MYO3B: variants seen among roughly 807,000 people sequenced by gnomAD.
MYO3B encodes myosin-IIIb.
Under a neutral mutation model 174.6 loss-of-function variants are expected in MYO3B, and 156 were observed. The ratio of observed to expected loss-of-function variants is 0.89; its 90% CI spans 0.78 to 1.02. The LOEUF is 1.02. Ranked by LOEUF, MYO3B falls within the 50% of genes least tolerant of loss-of-function variation. MYO3B has a pLI of 0.00. For missense variants in MYO3B, 1,632 were observed against 1,639.4 expected (o/e 1.00, Z 0.08); for synonymous variants, 563 against 569.1 (o/e 0.99, Z 0.15).
At chr2:170,573,227 G>GTGTATA (rs1446970724) in intron 32 of MYO3B, among the ~76,000 whole-genome samples, 739 of 46,448 alleles carry the variant, frequency 0.016, 5 homozygotes, top group Non-Finnish European at 0.045. Flanking sequence ...TATACTGTGT[G>GTGTATA]TATATATATA....
chr2:170,625,103 G>C (rs1348673159), intron 32 of MYO3B, among the ~76,000 whole-genome samples: 2 of 152,104 alleles, frequency 1.3e-5, no homozygotes, highest in African/African-American at 2.4e-5. Flanking sequence ...GGAGGATTTC[G>C]TCTTTTTCCA....
intron 6 of MYO3B, among the ~76,000 whole-genome samples, chr2:170,220,091 T>C (rs763586656): frequency 1.3e-5 from 2 of 151,226 alleles, no homozygotes; most frequent in Non-Finnish European, 1.5e-5. Context: ...ACCCTGTCTC[T>C]ACTAAAAATA....
chr2:170,382,448 T>G, intron 10 of MYO3B: 1 of 186,796 alleles, frequency 5.4e-6, no homozygotes, highest in Non-Finnish European at 1.1e-5. Context: ...AAGTTGTTTG[T>G]TCTTCATAAG....
At chr2:170,639,267 T>C (rs1697770208) in intron 32 of MYO3B, among the ~76,000 whole-genome samples, 1 of 152,248 alleles carries the variant, frequency 6.6e-6, no homozygotes, top group Admixed American at 6.5e-5. Context: ...CCCAGACTGC[T>C]GCCTGGCATT....
rs988544124 is a variant in MYO3B, at chr2:170,499,531, G to A, written c.3127-115G>A. ...CAGTAATGTGAGCATAAGTCACATC[G>A]CTATAAACTTTATTTATATCATTGT... is the stretch of plus-strand genomic sequence containing the variant. On this transcript the variant is annotated intron_variant, in intron 26 of 34. Coordinates refer to ENST00000408978, the MANE Select transcript of MYO3B (RefSeq NM_138995.5). The A allele has an allele frequency of 2.4e-5, 23 of 970,094 alleles. No homozygotes were observed. In the Admixed American group the frequency reaches 2.6e-4, roughly 11 times the overall value. 60.1% of individuals were successfully genotyped at this position (970,094 alleles called of 1,614,324 possible). A position where few individuals can be genotyped will look rare whatever the true frequency, so the allele number is the denominator to read the frequency against.
chr2:170,384,594 C>T (rs1234217820), intron 12 of MYO3B, among the ~76,000 whole-genome samples: 1 of 152,132 alleles, frequency 6.6e-6, no homozygotes, highest in African/African-American at 2.4e-5. Context: ...TACATGGATT[C>T]ACTGTAGCTT....
intron 32 of MYO3B, among the ~76,000 whole-genome samples, chr2:170,629,769 G>A (rs1039073920): frequency 6.6e-6 from 1 of 152,174 alleles, no homozygotes; most frequent in East Asian, 1.9e-4. Context: ...AGAATCACTT[G>A]AACCTTGGAG....
chr2:170,324,662 A>T (rs1027888406), intron 7 of MYO3B, among the ~76,000 whole-genome samples: 5 of 152,198 alleles, frequency 3.3e-5, no homozygotes, highest in African/African-American at 1.2e-4. Flanking sequence ...TTCAGCGCTG[A>T]ATCTACCCTT....
At chr2:170,300,181 G>A (rs1215160928) in intron 7 of MYO3B, among the ~76,000 whole-genome samples, 3 of 152,102 alleles carry the variant, frequency 2.0e-5, no homozygotes, top group African/African-American at 4.8e-5. Context: ...TTTGAAATTG[G>A]GTCTGACTAT....
At chr2:170,635,310 T>C (rs770098948) in intron 32 of MYO3B, among the ~76,000 whole-genome samples, 8 of 152,188 alleles carry the variant, frequency 5.3e-5, no homozygotes, top group African/African-American at 1.9e-4. Context: ...ATGTCCTTTG[T>C]AGTGACATGG....
chr2:170,433,973 G>A (rs760496612), intron 22 of MYO3B, among the ~76,000 whole-genome samples: 3 of 152,188 alleles, frequency 2.0e-5, no homozygotes, highest in African/African-American at 4.8e-5. Flanking sequence ...ATATTAACGT[G>A]AAAGCTGTAG....
chr2:170,291,545 T>C (rs2093596049), intron 7 of MYO3B, among the ~76,000 whole-genome samples: 1 of 152,198 alleles, frequency 6.6e-6, no homozygotes. Context: ...ATTTTTCTTT[T>C]TGCATGGTAG....
intron 32 of MYO3B, among the ~76,000 whole-genome samples, chr2:170,646,200 G>A (rs1698356801): frequency 6.6e-6 from 1 of 151,802 alleles, no homozygotes; most frequent in Non-Finnish European, 1.5e-5. Context: ...GAACCTGGGA[G>A]GCGGAGGTTG....
intron 9 of MYO3B, among the ~76,000 whole-genome samples, chr2:170,381,663 A>G (rs1471083581): frequency 1.3e-5 from 2 of 152,244 alleles, no homozygotes; most frequent in African/African-American, 4.8e-5. Context: ...TAAGGCACTT[A>G]TGGCTATACC....
chr2:170,242,818 G>T (rs1394723138), intron 7 of MYO3B, among the ~76,000 whole-genome samples: 1 of 152,196 alleles, frequency 6.6e-6, no homozygotes, highest in African/African-American at 2.4e-5. Flanking sequence ...AAATGATGGA[G>T]AGATGGGCAA....
intron 32 of MYO3B, among the ~76,000 whole-genome samples, chr2:170,603,948 G>C (rs1694665822): frequency 6.6e-6 from 1 of 152,124 alleles, no homozygotes. Flanking sequence ...CATATGTTTA[G>C]ATACACAATT....
intron 9 of MYO3B, among the ~76,000 whole-genome samples, chr2:170,378,218 T>C (rs569836244): frequency 7.9e-5 from 12 of 152,306 alleles, no homozygotes; most frequent in African/African-American, 2.9e-4. Flanking sequence ...AAATAATGCT[T>C]TTTCTCTACG....
chr2:170,215,899 A>G (rs1324755257), intron 5 of MYO3B, among the ~76,000 whole-genome samples: 1 of 152,226 alleles, frequency 6.6e-6, no homozygotes, highest in African/African-American at 2.4e-5. Flanking sequence ...ATACTGATGT[A>G]TTCACTCAGC....
Position 170,383,786 on chromosome 2 carries a change from A to C in MYO3B, c.1262A>C (p.Gln421Pro), listed in dbSNP as rs776642498. The change falls in exon 12 of 35, where the codon CAG (glutamine) becomes CCG (proline). Residue 421 changes from glutamine to proline, a missense_variant. Transcript: ENST00000408978. The stretch of plus-strand genomic sequence containing the variant: ...TTTGCATCAGCAGATGCTGCTTACC[A>C]GTGCATGGTTACTCTCAGCAAAGAC... The part of the protein sequence containing the change: ...HIFASADAAY[Q>P]CMVTLSKDQC... The C allele has an allele frequency of 6.2e-7, 1 of 1,613,702 alleles. No individual in the cohort carries two copies. Among genetic ancestry groups the C allele is most frequent in the South Asian group, 1.1e-5 (1 of 91,068 alleles).
Sources: gnomAD v4.1 joint callset for allele counts (sites outside exome capture counted in the v4.1 genomes callset) on GRCh38, gnomAD v4.1.1 for gene constraint, MANE v1.5 for transcripts, NCBI Gene and HGNC (gene_info 2026-07-23, HGNC 2026-07-21) for gene names.